The following OSBPL9 variants were observed in gnomAD, a reference collection of about 807,000 sequenced individuals.
OSBPL9 encodes the protein oxysterol-binding protein-related protein 9.
OSBPL9 carries 40 observed loss-of-function variants against 106.6 expected under a neutral mutation model. The ratio of observed to expected loss-of-function variants is 0.38; its 90% CI spans 0.29 to 0.49. OSBPL9 has a LOEUF of 0.49. OSBPL9 is among the 20% of genes least tolerant of loss of function. The probability of loss-of-function intolerance (pLI) is 0.97; values close to 1 mark genes in which losing one functional copy is unlikely to be tolerated. For synonymous variants in OSBPL9, 269 were observed against 295.4 expected (o/e 0.91, Z 0.92); for missense variants, 609 against 887.2 (o/e 0.69, Z 3.98).
At chr1:51,747,894 A>G (rs1285046582) in intron 6 of OSBPL9, among the ~76,000 whole-genome samples, 2 of 152,062 alleles carry the variant, frequency 1.3e-5, no homozygotes, top group African/African-American at 4.8e-5. Flanking sequence ...GGTTCACGCC[A>G]TTCTCCTGCC....
intron 2 of OSBPL9, among the ~76,000 whole-genome samples, chr1:51,653,207 T>TC (rs5774103): frequency 0.012 from 1,801 of 152,162 alleles, 37 homozygotes; most frequent in African/African-American, 0.042. Flanking sequence ...TTTTTTTTTT[T>TC]CTAAAATTTT....
upstream of OSBPL9, chr1:51,574,149 C>T (rs1645169431): frequency 6.6e-6 from 1 of 152,176 alleles, no homozygotes. Context: ...CAAGGGATGA[C>T]TCTGATATTC....
At chr1:51,759,053 C>T (rs1670955832) in intron 9 of OSBPL9, among the ~76,000 whole-genome samples, 1 of 151,754 alleles carries the variant, frequency 6.6e-6, no homozygotes, top group South Asian at 2.1e-4. Flanking sequence ...AACTCCAAGT[C>T]TCTGTTTCTT....
At chr1:51,707,859 A>G (rs1457278981) in intron 3 of OSBPL9, 2 of 204,376 alleles carry the variant, frequency 9.8e-6, no homozygotes, top group African/African-American at 2.3e-5. Context: ...GATGGACCCA[A>G]CAACATAGTC....
At chr1:51,769,304 C>T (rs553759884) in intron 12 of OSBPL9, among the ~76,000 whole-genome samples, 1 of 152,306 alleles carries the variant, frequency 6.6e-6, no homozygotes, top group Non-Finnish European at 1.5e-5. Flanking sequence ...AAGACCTATA[C>T]TAATGATAGC....
At chr1:51,586,967 T>C (rs1645250756) in intron 1 of OSBPL9, among the ~76,000 whole-genome samples, 1 of 152,194 alleles carries the variant, frequency 6.6e-6, no homozygotes, top group African/African-American at 2.4e-5. Flanking sequence ...GTGATGTCGA[T>C]AGGACAGCCC....
At chr1:51,743,418 G>A (rs1396778443) in intron 4 of OSBPL9, among the ~76,000 whole-genome samples, 1 of 152,194 alleles carries the variant, frequency 6.6e-6, no homozygotes, top group East Asian at 1.9e-4. Context: ...GTAAGGTTTA[G>A]ATAGCAGTAA....
At position 51,788,650 on chromosome 1, in the gene OSBPL9, T is replaced by TAACTC. The variant is rs1318952169; in HGVS notation, c.*863_*867dup. Among the ~76,000 whole-genome samples the TAACTC allele has an allele frequency of 3.9e-5, 6 of 151,982 alleles. No homozygotes were observed. Among genetic ancestry groups the TAACTC allele is most frequent in the Non-Finnish European group, 1.5e-5 (1 of 67,994 alleles). On this transcript the variant is annotated 3_prime_UTR_variant, in exon 24 of 24. Transcript: ENST00000428468. ...CAGGCAATTCCCCAGAATCTTCACTTAACTCATATTGCACATGTAGGGCTG... is the reference window on the plus strand; with the variant it reads ...CAGGCAATTCCCCAGAATCTTCACTTAACTCAACTCATATTGCACATGTAGGGCTG...
chr1:51,543,837 C>T, the OSBPL9 span, among the ~76,000 whole-genome samples: 2 of 152,172 alleles, frequency 1.3e-5, no homozygotes, highest in African/African-American at 2.4e-5. Flanking sequence ...GCACTGTAGA[C>T]CTCTTTGGAA....
At chr1:51,727,542 T>G (rs913949586) in intron 4 of OSBPL9, among the ~76,000 whole-genome samples, 14 of 152,192 alleles carry the variant, frequency 9.2e-5, no homozygotes, top group Admixed American at 9.2e-4. Context: ...AGAGCAGTGG[T>G]TCATGGGATT....
intron 4 of OSBPL9, among the ~76,000 whole-genome samples, chr1:51,741,991 G>A (rs536275449): frequency 6.6e-6 from 1 of 152,276 alleles, no homozygotes; most frequent in African/African-American, 2.4e-5. Flanking sequence ...ATGGAGAAAA[G>A]GCTTGAGGGA....
intron 2 of OSBPL9, among the ~76,000 whole-genome samples, chr1:51,608,405 G>T (rs1018976616): frequency 1.3e-5 from 2 of 151,938 alleles, no homozygotes; most frequent in Non-Finnish European, 2.9e-5. Context: ...TGATTCTCTT[G>T]CCTCAGCCTC....
chr1:51,626,725 G>T (rs1475344956), intron 1 of OSBPL9, among the ~76,000 whole-genome samples: 1 of 151,094 alleles, frequency 6.6e-6, no homozygotes, highest in Non-Finnish European at 1.5e-5. Flanking sequence ...CCACTGTGTT[G>T]CCCAGGCTAG....
At chr1:51,536,317 A>AT in the OSBPL9 span, among the ~76,000 whole-genome samples, 1 of 151,638 alleles carries the variant, frequency 6.6e-6, no homozygotes, top group Non-Finnish European at 1.5e-5. Context: ...TTTAATTATT[A>AT]TTTTTTAGAA....
At chr1:51,530,193 CAAAAAAAAAA>C in the OSBPL9 span, among the ~76,000 whole-genome samples, 1 of 55,636 alleles carries the variant, frequency 1.8e-5, no homozygotes, top group African/African-American at 8.5e-5. Flanking sequence ...AAAAAAAAAA[CAAAAAAAAAA>C]AACCTCTAAG....
intron 1 of OSBPL9, among the ~76,000 whole-genome samples, chr1:51,584,870 C>T (rs1393174817): frequency 6.6e-6 from 1 of 152,144 alleles, no homozygotes; most frequent in African/African-American, 2.4e-5. Flanking sequence ...CCTAGCATGT[C>T]ATGTTCCCTT....
intron 2 of OSBPL9, among the ~76,000 whole-genome samples, chr1:51,611,229 A>G (rs1319532213): frequency 6.6e-6 from 1 of 151,252 alleles, no homozygotes; most frequent in African/African-American, 2.4e-5. Flanking sequence ...CTTGCTCTGT[A>G]GCTAGTGGAA....
At chr1:51,782,128 G>A (rs975860598) in intron 16 of OSBPL9, among the ~76,000 whole-genome samples, 3 of 152,096 alleles carry the variant, frequency 2.0e-5, no homozygotes, top group East Asian at 1.9e-4. Flanking sequence ...CAGCAGGGAA[G>A]ACTCAAATGC....
chr1:51,537,950 A>G, the OSBPL9 span, among the ~76,000 whole-genome samples: 1 of 152,130 alleles, frequency 6.6e-6, no homozygotes, highest in Admixed American at 6.6e-5. Context: ...TCCCACAGTA[A>G]GAACTCTGGC....
Sources: allele counts gnomAD v4.1 joint callset (sites outside exome capture counted in the v4.1 genomes callset), GRCh38; gene constraint gnomAD v4.1.1; transcripts MANE v1.5; gene names NCBI Gene and HGNC (gene_info 2026-07-23, HGNC 2026-07-21).